Variants in DDX42 observed in about 807,000 individuals in gnomAD.
DDX42 encodes the protein DEAD-box helicase 42.
Under a neutral mutation model 101.5 loss-of-function variants are expected in DDX42, and 22 were observed. The observed-to-expected ratio is 0.22, with a 90% CI of 0.15 to 0.31. The LOEUF (loss-of-function observed/expected upper bound fraction) is 0.31. Among genes scored for constraint, DDX42 ranks in the 10% least tolerant of loss-of-function variants. The probability of loss-of-function intolerance (pLI) is 1.00; values close to 1 mark genes in which losing one functional copy is unlikely to be tolerated. For missense variants in DDX42, 849 were observed against 1,199.9 expected, an observed-to-expected ratio of 0.71 and a Z score of 4.32; for synonymous variants, 402 against 401.2, an observed-to-expected ratio of 1.00 and a Z score of -0.02.
intron 1 of DDX42, among the ~76,000 whole-genome samples, chr17:63,782,038 T>C (rs2039494657): frequency 6.6e-6 from 1 of 151,820 alleles, no homozygotes; most frequent in African/African-American, 2.4e-5. Flanking sequence ...AAGAATTGTC[T>C]TACCAGCTGG....
chr17:63,811,048 C>T (rs1344418167), intron 12 of DDX42, 28 bp from the exon 13 acceptor site: 1 of 1,591,664 alleles, frequency 6.3e-7, no homozygotes, highest in South Asian at 1.1e-5. Flanking sequence ...CATATTGTTT[C>T]TCTAACAGAA....
chr17:63,792,461 A>C lies in DDX42; in HGVS notation c.271A>C (p.Ile91Leu), dbSNP rs1408379874. Reference sequence around the variant, plus strand: ...TTCTAGCAACGTTGATTTACCTTACATTCCTGCTGAAAACTCACCAACTCG... The same window carrying C: ...TTCTAGCAACGTTGATTTACCTTACCTTCCTGCTGAAAACTCACCAACTCG... ...EDSSNVDLPY[I>L]PAENSPTRQQ... is the part of the protein sequence containing the mutation. Residue 91 changes from isoleucine (I) to leucine (L), a missense_variant, in exon 3 of 18, where the codon ATT becomes CTT. Coordinates refer to ENST00000389924, the MANE Select transcript of DDX42 (RefSeq NM_203499.3). The C allele has an allele frequency of 6.2e-7, 1 of 1,613,802 alleles. No individual in the cohort carries two copies. Among genetic ancestry groups the C allele is most frequent in the East Asian group, 2.2e-5 (1 of 44,852 alleles).
intron 12 of DDX42, 96 bp from the exon 13 acceptor site, chr17:63,810,980 T>TA (rs1240531389): frequency 7.2e-6 from 7 of 966,196 alleles, no homozygotes; most frequent in South Asian, 3.6e-5. Context: ...TGAGCTTATG[T>TA]AAAAAAACTG....
intron 10 of DDX42, 92 bp from the exon 11 acceptor site, chr17:63,809,468 A>G: frequency 4.2e-6 from 4 of 952,568 alleles, no homozygotes; most frequent in Non-Finnish European, 6.7e-6. Context: ...CTGAGACTAG[A>G]GAATTAGCAC....
intron 16 of DDX42, chr17:63,816,587 A>G: frequency 4.0e-6 from 1 of 249,572 alleles, no homozygotes; most frequent in Non-Finnish European, 7.6e-6. Flanking sequence ...TACTTAATTA[A>G]TTGGAAGTGT....
intron 1 of DDX42, among the ~76,000 whole-genome samples, chr17:63,781,342 T>G (rs1018463192): frequency 1.3e-5 from 2 of 152,090 alleles, no homozygotes; most frequent in Non-Finnish European, 2.9e-5. Context: ...CTCAGCCTCC[T>G]GAGTAGCCGG....
chr17:63,789,546 CTTTTTT>C (rs56786359), intron 2 of DDX42, among the ~76,000 whole-genome samples: 65,667 of 119,060 alleles, frequency 0.55, 22,568 homozygotes, highest in African/African-American at 0.74. Context: ...TTCTAAAAGA[CTTTTTT>C]GTTTTTGTTT....
intron 4 of DDX42, among the ~76,000 whole-genome samples, chr17:63,798,850 GT>G (rs1400008148): frequency 1.3e-5 from 2 of 152,128 alleles, no homozygotes; most frequent in Admixed American, 6.5e-5. Flanking sequence ...TTTAGCTGTG[GT>G]TTTGGTATTC....
intron 2 of DDX42, among the ~76,000 whole-genome samples, chr17:63,791,390 C>T (rs2039625453): frequency 6.6e-6 from 1 of 152,196 alleles, no homozygotes; most frequent in Admixed American, 6.5e-5. Flanking sequence ...CAGTTCACTG[C>T]AACCTCCACC....
chr17:63,788,312 T>TC (rs2039575104), intron 2 of DDX42, among the ~76,000 whole-genome samples: 1 of 57,372 alleles, frequency 1.7e-5, no homozygotes, highest in Non-Finnish European at 3.4e-5. Context: ...ATCTGAGTCT[T>TC]TTTTTTTTTT....
intron 10 of DDX42, 99 bp downstream of exon 10, chr17:63,809,047 G>C (rs2039878051): frequency 6.6e-7 from 1 of 1,519,418 alleles, no homozygotes. Context: ...GGTAAAAGCA[G>C]GGTTGAAAAT....
intron 6 of DDX42, among the ~76,000 whole-genome samples, chr17:63,801,430 A>G (rs528737589): frequency 6.6e-6 from 1 of 152,106 alleles, no homozygotes; most frequent in Admixed American, 6.6e-5. Flanking sequence ...TATTGCCCAG[A>G]CTGGCCCCAA....
intron 2 of DDX42, among the ~76,000 whole-genome samples, chr17:63,792,176 T>C (rs2039636325): frequency 6.6e-6 from 1 of 152,206 alleles, no homozygotes; most frequent in East Asian, 1.9e-4. Flanking sequence ...ATGATTTGAC[T>C]ATACACTATT....
rs542105191 is a variant in DDX42 at position 63,818,256 on chromosome 17, G to A, written c.2675G>A (p.Arg892His). The A allele has an allele frequency of 6.8e-6, 11 of 1,614,102 alleles. No individual in the cohort carries two copies. Among genetic ancestry groups the A allele is most frequent in the East Asian group, 4.5e-5 (2 of 44,880 alleles). The change falls in exon 18 of 18, where the codon CGT becomes CAT. Residue 892 changes from arginine (R) to histidine (H), a missense_variant. Coordinates refer to ENST00000389924, the MANE Select transcript of DDX42 (RefSeq NM_203499.3). Reference sequence around the variant, plus strand: ...GAAAGCAGGAAAGAAGCTTTTAATCGTGAGAGCAAGATGGAGCCCAAGATG... The same window carrying A: ...GAAAGCAGGAAAGAAGCTTTTAATCATGAGAGCAAGATGGAGCCCAAGATG... ...NGESRKEAFN[R>H]ESKMEPKMEP...
At chr17:63,780,087 G>A (rs542485001) in intron 1 of DDX42, among the ~76,000 whole-genome samples, 19 of 152,152 alleles carry the variant, frequency 1.2e-4, no homozygotes, top group Admixed American at 2.0e-4. Flanking sequence ...ACCGGCGGTC[G>A]GGAGTTTGAG....
intron 1 of DDX42, among the ~76,000 whole-genome samples, chr17:63,777,528 A>C (rs1057376925): frequency 6.6e-6 from 1 of 151,472 alleles, no homozygotes; most frequent in South Asian, 2.1e-4. Flanking sequence ...GCTCACTGCA[A>C]GCTCCGTCTC....
chr17:63,814,720 C>T (rs985183039), intron 15 of DDX42, among the ~76,000 whole-genome samples: 3 of 125,884 alleles, frequency 2.4e-5, no homozygotes, highest in African/African-American at 5.9e-5. Context: ...GATGGAGTCA[C>T]ACTCTATCAC....
At chr17:63,797,922 A>T in intron 3 of DDX42, 116 bp from the exon 4 acceptor site, 1 of 918,358 alleles carries the variant, frequency 1.1e-6, no homozygotes, top group South Asian at 1.9e-5. Context: ...TGATGGCATC[A>T]AAATGCACTT....
intron 1 of DDX42, among the ~76,000 whole-genome samples, chr17:63,785,335 A>G (rs939558015): frequency 6.6e-6 from 1 of 152,116 alleles, no homozygotes. Flanking sequence ...TTGTAATCCC[A>G]GCTACCCAGG....
Sources: gnomAD v4.1 joint callset for allele counts (sites outside exome capture counted in the v4.1 genomes callset) on GRCh38, gnomAD v4.1.1 for gene constraint, MANE v1.5 for transcripts, NCBI Gene and HGNC (gene_info 2026-07-23, HGNC 2026-07-21) for gene names.